EGFLAM: variants seen among roughly 807,000 people sequenced by gnomAD.
EGFLAM encodes pikachurin.
Under a neutral mutation model 113.1 loss-of-function variants are expected in EGFLAM, and 79 were observed. That is an observed-to-expected ratio of 0.70 (90% CI 0.58 to 0.84). EGFLAM has a LOEUF of 0.84. Among genes scored for constraint, EGFLAM ranks in the 40% least tolerant of loss-of-function variants. EGFLAM has a pLI of 0.00. For synonymous variants in EGFLAM, 504 were observed against 487.6 expected, an observed-to-expected ratio of 1.03 and a Z score of -0.44; for missense variants, 1,265 against 1,291.6, an observed-to-expected ratio of 0.98 and a Z score of 0.32.
At chr5:38,405,440 C>T (rs1262530016) in intron 6 of EGFLAM, among the ~76,000 whole-genome samples, 2 of 152,018 alleles carry the variant, frequency 1.3e-5, no homozygotes, top group African/African-American at 4.8e-5. Context: ...AAACTAGATG[C>T]ATTCTTTTGC....
intron 3 of EGFLAM, among the ~76,000 whole-genome samples, chr5:38,349,766 T>TACACAC (rs748306970): frequency 2.3e-4 from 25 of 107,686 alleles, no homozygotes; most frequent in African/African-American, 2.9e-4. Flanking sequence ...GCAGGGGAAG[T>TACACAC]ACACACGCAC....
At chr5:38,300,161 T>C (rs1308349711) in intron 1 of EGFLAM, among the ~76,000 whole-genome samples, 3 of 152,148 alleles carry the variant, frequency 2.0e-5, no homozygotes, top group Non-Finnish European at 4.4e-5. Flanking sequence ...GTCAGCAATA[T>C]GAAGAACAAC....
intron 11 of EGFLAM, among the ~76,000 whole-genome samples, chr5:38,416,282 GT>G (rs1229996872): frequency 6.6e-6 from 1 of 152,156 alleles, no homozygotes; most frequent in Non-Finnish European, 1.5e-5. Context: ...TATTAAGAAA[GT>G]GCTCCCAGGA....
intron 16 of EGFLAM, among the ~76,000 whole-genome samples, chr5:38,437,885 A>C (rs1742399068): frequency 1.3e-5 from 2 of 152,136 alleles, no homozygotes. Context: ...GCACTTTGGG[A>C]GGCTGAAGTG....
intron 19 of EGFLAM, among the ~76,000 whole-genome samples, chr5:38,456,550 A>G (rs1743093357): frequency 6.6e-6 from 1 of 152,176 alleles, no homozygotes; most frequent in East Asian, 1.9e-4. Context: ...TGGACTTTTC[A>G]GGGTCAGAGT....
At chr5:38,344,230 A>G (rs1455248473) in intron 3 of EGFLAM, among the ~76,000 whole-genome samples, 1 of 152,254 alleles carries the variant, frequency 6.6e-6, no homozygotes, top group Non-Finnish European at 1.5e-5. Flanking sequence ...CCACGCCTGT[A>G]ATCCCAGCAC....
At chr5:38,423,827 T>C (rs113967477) in intron 12 of EGFLAM, among the ~76,000 whole-genome samples, 6 of 152,326 alleles carry the variant, frequency 3.9e-5, no homozygotes, top group African/African-American at 1.4e-4. Context: ...GAAGTCAGTC[T>C]CCTCTCCTGG....
rs776137894 is a variant in EGFLAM at position 38,412,558 on chromosome 5, A to C, written c.1404A>C (p.Leu468=). Residue 468 remains leucine, a synonymous_variant, in exon 11 of 22, where the codon CTA becomes CTC. Transcript: ENST00000322350. ...TCGTAAGTGAGACCAAAATCAAACT[A>C]GGGGGTTGGCACACGGTTATGCTCT... ...AIIVSETKIK[L]GGWHTVMLYR... is the part of the protein sequence containing the mutation. 1.2e-6 allele frequency: 2 copies of C among 1,614,186 alleles called. No homozygotes were observed. Among genetic ancestry groups the C allele is most frequent in the East Asian group, 2.2e-5 (1 of 44,872 alleles).
intron 6 of EGFLAM, among the ~76,000 whole-genome samples, chr5:38,373,853 G>A (rs905857506): frequency 6.6e-6 from 1 of 152,176 alleles, no homozygotes; most frequent in Admixed American, 6.5e-5. Context: ...TTCCACAGAG[G>A]TTGTACTAAT....
chr5:38,296,750 T>C, intron 1 of EGFLAM, among the ~76,000 whole-genome samples: 1 of 152,044 alleles, frequency 6.6e-6, no homozygotes, highest in South Asian at 2.1e-4. Context: ...TTTGTAATTA[T>C]ATATGTAAAT....
chr5:38,350,705 T>C lies in EGFLAM; in HGVS notation c.409+87T>C, dbSNP rs535517661. 130 of 1,245,580 alleles carry C rather than the reference T, an allele frequency of 1.0e-4. 1 individual carries two copies. The East Asian group carries it at 3.1e-3, about 30-fold the overall frequency. The allele number at this position is 1,245,580 out of a possible 1,614,324, so 77.2% of individuals were successfully genotyped here. A position where few individuals can be genotyped will look rare whatever the true frequency, so the allele number is the denominator to read the frequency against. ...CAAATATCAATAGGGACTTACTATG[T>C]GCCAAGCACTGTGCTAGGCTCTGGG... On this transcript the variant is annotated intron_variant, in intron 4 of 21. Transcript: ENST00000322350.
chr5:38,382,977 AG>A (rs1740553721), intron 6 of EGFLAM, among the ~76,000 whole-genome samples: 1 of 152,212 alleles, frequency 6.6e-6, no homozygotes, highest in African/African-American at 2.4e-5. Flanking sequence ...TGCCAGCCAC[AG>A]CTGCTCAGGA....
At chr5:38,403,736 A>G in intron 6 of EGFLAM, 10 of 1,523,440 alleles carry the variant, frequency 6.6e-6, no homozygotes, top group Non-Finnish European at 8.8e-6. Flanking sequence ...TCGAGGGTAA[A>G]TGAAATTGCA....
intron 6 of EGFLAM, among the ~76,000 whole-genome samples, chr5:38,391,625 G>A (rs1272809961): frequency 6.6e-6 from 1 of 151,674 alleles, no homozygotes; most frequent in African/African-American, 2.4e-5. Flanking sequence ...TCTCGAACTC[G>A]ACTTCAAGTG....
intron 16 of EGFLAM, among the ~76,000 whole-genome samples, chr5:38,435,454 C>T (rs945607352): frequency 1.3e-5 from 2 of 152,190 alleles, no homozygotes; most frequent in Non-Finnish European, 2.9e-5. Flanking sequence ...GGTCTATGCC[C>T]GGCAGACATT....
intron 16 of EGFLAM, among the ~76,000 whole-genome samples, chr5:38,435,799 G>GCT (rs1561091934): frequency 5.6e-5 from 8 of 143,324 alleles, no homozygotes; most frequent in Admixed American, 1.4e-4. Context: ...GACTCCCCCG[G>GCT]CTCTCTCTTT....
chr5:38,433,812 G>A (rs572892517), intron 15 of EGFLAM, among the ~76,000 whole-genome samples: 1 of 152,304 alleles, frequency 6.6e-6, no homozygotes, highest in African/African-American at 2.4e-5. Flanking sequence ...AAGAATTCCT[G>A]AAAGCCTTTA....
chr5:38,269,591 G>A (rs1219587768), intron 1 of EGFLAM, among the ~76,000 whole-genome samples: 6 of 151,244 alleles, frequency 4.0e-5, no homozygotes, highest in East Asian at 2.0e-4. Context: ...GCAGGTTCAC[G>A]CCATTCTCCT....
At chr5:38,381,515 C>T (rs1190875923) in intron 6 of EGFLAM, among the ~76,000 whole-genome samples, 1 of 152,114 alleles carries the variant, frequency 6.6e-6, no homozygotes, top group Non-Finnish European at 1.5e-5. Context: ...TCATCAGGCT[C>T]CTGGCACGAA....
Sources: allele counts gnomAD v4.1 joint callset (sites outside exome capture counted in the v4.1 genomes callset), GRCh38; gene constraint gnomAD v4.1.1; transcripts MANE v1.5; gene names NCBI Gene and HGNC (gene_info 2026-07-23, HGNC 2026-07-21).